ACTR2: variants seen among roughly 807,000 people sequenced by gnomAD.
ACTR2 encodes the protein actin-related protein 2.
Under a neutral mutation model 50.2 loss-of-function variants are expected in ACTR2, and 5 were observed. That is an observed-to-expected ratio of 0.10 (90% CI 0.05 to 0.21). ACTR2 has a LOEUF of 0.21. Ranked by LOEUF, ACTR2 falls within the 10% of genes least tolerant of loss-of-function variation. The probability of loss-of-function intolerance (pLI) is 1.00; values close to 1 mark genes in which losing one functional copy is unlikely to be tolerated. For missense variants in ACTR2, 180 were observed against 480.6 expected (o/e 0.37, Z 5.85); for synonymous variants, 140 against 162.9 (o/e 0.86, Z 1.07).
intron 3 of ACTR2, among the ~76,000 whole-genome samples, chr2:65,250,550 G>A (rs1558624928): frequency 6.7e-6 from 1 of 150,362 alleles, no homozygotes; most frequent in Non-Finnish European, 1.5e-5. Context: ...GTGCATGCCT[G>A]TAGTCCCAGC....
intron 8 of ACTR2, among the ~76,000 whole-genome samples, chr2:65,266,005 ACTGT>A (rs1309325998): frequency 2.0e-5 from 3 of 152,220 alleles, no homozygotes; most frequent in South Asian, 4.1e-4. Context: ...AAGGAGCCAT[ACTGT>A]CTAAGTACTT....
At chr2:65,244,857 C>T (rs186142024) in intron 2 of ACTR2, among the ~76,000 whole-genome samples, 1 of 151,244 alleles carries the variant, frequency 6.6e-6, no homozygotes, top group Admixed American at 6.6e-5. Flanking sequence ...GGGAGGATCA[C>T]CTGAGCCTGG....
At chr2:65,260,595 A>G (rs1464619415) in intron 6 of ACTR2, among the ~76,000 whole-genome samples, 2 of 152,242 alleles carry the variant, frequency 1.3e-5, no homozygotes, top group Non-Finnish European at 2.9e-5. Flanking sequence ...ATAAAACTGT[A>G]GTAACACATA....
Position 65,253,876 on chromosome 2 carries a change from GA to G in ACTR2, c.585+16del. 6.3e-7 allele frequency: 1 copy of G among 1,598,876 alleles called. No homozygotes were observed. Among genetic ancestry groups the G allele is most frequent in the Non-Finnish European group, 8.6e-7 (1 of 1,168,598 alleles). On this transcript the variant is annotated intron_variant, in intron 5 of 8. Coordinates refer to ENST00000260641, the MANE Select transcript of ACTR2 (RefSeq NM_005722.4). ...GATATCTTATCAAGGTAAGTGAAAG[GA>G]AAATATCATGGAAATTAAATTTTGT...
At chr2:65,261,079 T>C (rs960879040) in intron 6 of ACTR2, among the ~76,000 whole-genome samples, 168 bp from the exon 7 acceptor site, 3 of 147,628 alleles carry the variant, frequency 2.0e-5, no homozygotes, top group East Asian at 2.2e-4. Flanking sequence ...AGCAGTTACC[T>C]AAATCTATTT....
At chr2:65,238,410 A>G (rs1671778319) in intron 1 of ACTR2, among the ~76,000 whole-genome samples, 1 of 152,106 alleles carries the variant, frequency 6.6e-6, no homozygotes, top group Non-Finnish European at 1.5e-5. Flanking sequence ...CTGTAATCCC[A>G]GCACTTTGGG....
At chr2:65,259,250 C>T (rs536415934) in intron 6 of ACTR2, among the ~76,000 whole-genome samples, 2 of 151,980 alleles carry the variant, frequency 1.3e-5, no homozygotes, top group South Asian at 2.1e-4. Flanking sequence ...AAAGCAAGAC[C>T]CCCGTCTCTA....
At chr2:65,259,153 G>A (rs565285636) in intron 6 of ACTR2, among the ~76,000 whole-genome samples, 14 of 152,178 alleles carry the variant, frequency 9.2e-5, no homozygotes, top group African/African-American at 3.4e-4. Flanking sequence ...GCCAGGCGCG[G>A]TGGCTCTTCC....
At chr2:65,251,698 A>G (rs1014388666) in intron 4 of ACTR2, among the ~76,000 whole-genome samples, 2 of 152,160 alleles carry the variant, frequency 1.3e-5, no homozygotes, top group Non-Finnish European at 2.9e-5. Flanking sequence ...ATTTGTCCCC[A>G]GAATTGGCTT....
intron 4 of ACTR2, among the ~76,000 whole-genome samples, chr2:65,252,395 CT>C (rs1338073185): frequency 6.6e-6 from 1 of 151,798 alleles, no homozygotes; most frequent in East Asian, 1.9e-4. Context: ...AATCCCAGCA[CT>C]TTGGGAGGCC....
chr2:65,247,449 G>T (rs971796093), intron 3 of ACTR2, among the ~76,000 whole-genome samples: 1 of 152,090 alleles, frequency 6.6e-6, no homozygotes, highest in Non-Finnish European at 1.5e-5. Flanking sequence ...TTAGCCGGGC[G>T]TGGTGGCGGG....
chr2:65,262,539 CAT>C (rs1672288416), intron 7 of ACTR2, among the ~76,000 whole-genome samples: 1 of 132,736 alleles, frequency 7.5e-6, no homozygotes, highest in Non-Finnish European at 1.6e-5. Flanking sequence ...GATGTAAATG[CAT>C]GTATATTTTT....
At chr2:65,263,743 T>G (rs1258874854) in intron 7 of ACTR2, among the ~76,000 whole-genome samples, 1 of 152,222 alleles carries the variant, frequency 6.6e-6, no homozygotes, top group African/African-American at 2.4e-5. Flanking sequence ...AAAATTGTAT[T>G]TAAAAGTACA....
intron 2 of ACTR2, chr2:65,242,039 G>A (rs756598675): frequency 6.8e-6 from 11 of 1,607,994 alleles, no homozygotes; most frequent in South Asian, 3.3e-5. Context: ...TTCTTGACCC[G>A]TTGAAGTAGA....
rs955822705 is a variant in ACTR2 at position 65,251,092 on chromosome 2, C to T, written c.441C>T (p.Tyr147=). ...YVAIQAVLTL[Y]AQGLLTGVVV... ...CCATCCAGGCAGTTCTGACTTTGTACGCTCAAGGTAGGTTAAGCTTAACTG... is the reference window on the plus strand; with the variant it reads ...CCATCCAGGCAGTTCTGACTTTGTATGCTCAAGGTAGGTTAAGCTTAACTG... The change falls in exon 4 of 9, where the codon TAC becomes TAT. Residue 147 remains tyrosine (Y), a synonymous_variant. Coordinates refer to ENST00000260641, the MANE Select transcript of ACTR2 (RefSeq NM_005722.4). 1.0e-5 allele frequency: 16 copies of T among 1,603,412 alleles called. No individual in the cohort carries two copies. Among genetic ancestry groups the T allele is most frequent in the South Asian group, 3.4e-5 (3 of 89,314 alleles).
At chr2:65,228,380 G>A (rs908976087) in intron 1 of ACTR2, 5 of 158,604 alleles carry the variant, frequency 3.2e-5, no homozygotes, top group African/African-American at 5.0e-5. Flanking sequence ...TCCTCTTCCT[G>A]TATAGTTGAA....
intron 1 of ACTR2, among the ~76,000 whole-genome samples, chr2:65,234,944 A>T (rs1032386542): frequency 6.6e-6 from 1 of 152,178 alleles, no homozygotes; most frequent in Non-Finnish European, 1.5e-5. Flanking sequence ...AGGTAGGCAT[A>T]ATAATTTAAT....
chr2:65,252,293 G>A (rs763829036), intron 4 of ACTR2, among the ~76,000 whole-genome samples: 3 of 151,792 alleles, frequency 2.0e-5, no homozygotes, highest in Non-Finnish European at 2.9e-5. Context: ...TTCAAGGGCT[G>A]TATATGAGTT....
At position 65,239,844 on chromosome 2, in the gene ACTR2, C is replaced by G; in HGVS notation, c.49-8C>G. 1.3e-6 allele frequency: 2 copies of G among 1,559,066 alleles called. No individual in the cohort carries two copies. The highest frequency in any genetic ancestry group is 1.8e-6 in the Non-Finnish European group (2 of 1,131,360). On this transcript the variant is annotated splice_polypyrimidine_tract_variant and splice_region_variant and intron_variant, in intron 1 of 8. Transcript: ENST00000260641. ...CTAACCCACTTTTATTTTACTGTTT[C>G]ATTCCAGTTTGTGAAGTGTGGATAT...
Sources: gnomAD v4.1 joint callset for allele counts (sites outside exome capture counted in the v4.1 genomes callset) on GRCh38, gnomAD v4.1.1 for gene constraint, MANE v1.5 for transcripts, NCBI Gene and HGNC (gene_info 2026-07-23, HGNC 2026-07-21) for gene names.